Variants in ZHX2 observed in about 807,000 individuals in gnomAD.
The protein encoded by ZHX2 is zinc fingers and homeoboxes protein 2.
ZHX2 carries 6 observed loss-of-function variants against 21.9 expected under a neutral mutation model. The observed-to-expected ratio is 0.27, with a 90% CI of 0.15 to 0.54. The LOEUF (loss-of-function observed/expected upper bound fraction) is 0.54. ZHX2 is among the 20% of genes least tolerant of loss of function. The probability of loss-of-function intolerance (pLI) is 0.95; values close to 1 mark genes in which losing one functional copy is unlikely to be tolerated. For missense variants in ZHX2, 908 were observed against 1,090.7 expected (o/e 0.83, Z 2.36); for synonymous variants, 434 against 437.1 (o/e 0.99, Z 0.09).
intron 1 of ZHX2, among the ~76,000 whole-genome samples, chr8:122,787,014 A>G (rs1354839333): frequency 7.7e-6 from 1 of 129,112 alleles, no homozygotes. Flanking sequence ...TTGTGATTTT[A>G]AGAACATCCA....
intron 3 of ZHX2, among the ~76,000 whole-genome samples, chr8:122,969,794 G>A (rs1239792263): frequency 6.6e-6 from 1 of 152,118 alleles, no homozygotes; most frequent in East Asian, 1.9e-4. Context: ...CTCCTGGAGT[G>A]CAGTGTTACT....
In ZHX2 at chr8:122,953,513, T is replaced by G; in HGVS notation, c.2003T>G (p.Val668Gly). 4 of 1,614,210 alleles carry G rather than the reference T, an allele frequency of 2.5e-6. No homozygotes were observed. In the South Asian group the frequency reaches 4.4e-5, roughly 18 times the overall value. Residue 668 changes from valine (V) to glycine (G), a missense_variant, in exon 3 of 4, where the codon GTC (valine) becomes GGC (glycine). Physicochemically the swap from Val to Gly is moderately radical, Grantham distance 109. This residue lies in a region of ZHX2 where 431 missense variants were observed against 428.6 expected (regional missense o/e 1.01). Coordinates refer to ENST00000314393, the MANE Select transcript of ZHX2 (RefSeq NM_014943.5). The surrounding 1 kb of genome is among the most constrained non-coding windows in gnomAD (Gnocchi z 4.6). ...CAGTTAGCGGCCAAGACTGGCCTGGTCCGAACTGAGATTGTGCGTTGGTTC... is the reference window on the plus strand; with the variant it reads ...CAGTTAGCGGCCAAGACTGGCCTGGGCCGAACTGAGATTGTGCGTTGGTTC... ...YDQLAAKTGL[V>G]RTEIVRWFKE...
At position 122,828,703 on chromosome 8, in the gene ZHX2, ATCGCAGGTGTGTTCCCACGCT is replaced by A. The variant is rs1321190986; in HGVS notation, c.-282-34766_-282-34746del. Among the ~76,000 whole-genome samples the A allele has an allele frequency of 6.6e-6, 1 of 152,180 alleles. No individual in the cohort carries two copies. The highest frequency in any genetic ancestry group is 1.5e-5 in the Non-Finnish European group (1 of 68,030). ...TCTGAGGGAATGAGTGGTTCATTTA[ATCGCAGGTGTGTTCCCACGCT>A]TCGCAGGGCTGATGGATCGTGCCTG... On this transcript the variant is annotated intron_variant, in intron 1 of 3. Transcript: ENST00000314393. The surrounding 1 kb of genome is among the most constrained non-coding windows in gnomAD (Gnocchi z 5.2).
Position 122,953,496 on chromosome 8 carries a change from G to T in ZHX2, c.1986G>T (p.Ala662=), listed in dbSNP as rs751785817. The T allele has an allele frequency of 6.2e-7, 1 of 1,614,204 alleles. No homozygotes were observed. The highest frequency in any genetic ancestry group is 1.1e-5 in the South Asian group (1 of 91,084). The part of the protein sequence containing the change: ...WPTPQEYDQL[A]AKTGLVRTEI... ...CTCCCCAGGAGTACGACCAGTTAGC[G>T]GCCAAGACTGGCCTGGTCCGAACTG... The change falls in exon 3 of 4, where the codon GCG becomes GCT. Residue 662 remains alanine, a synonymous_variant. Coordinates refer to ENST00000314393, the MANE Select transcript of ZHX2 (RefSeq NM_014943.5). This position sits in a 1 kb window ranked among gnomAD's most constrained non-coding sequence, Gnocchi z 4.6.
At position 122,953,197 on chromosome 8, in the gene ZHX2, A is replaced by T; in HGVS notation, c.1687A>T (p.Arg563Trp). The change falls in exon 3 of 4, where the codon AGG becomes TGG. Residue 563 changes from arginine (R) to tryptophan (W), a missense_variant. Arg to Trp is a moderately radical substitution (Grantham distance 101). Transcript: ENST00000314393. This position sits in a 1 kb window ranked among gnomAD's most constrained non-coding sequence, Gnocchi z 4.6. ...TACCCAAGCAGAACTGGATCGGCTA[A>T]GGGTGGAGACCAAGCTGAGCAGGAG... is the stretch of plus-strand genomic sequence containing the variant. ...FPTQAELDRLRVETKLSRREI... is the reference protein window; with the variant it reads ...FPTQAELDRLWVETKLSRREI... 1.2e-6 allele frequency: 2 copies of T among 1,613,882 alleles called. No homozygotes were observed.
chr8:122,801,076 A>T (rs1245935078), intron 1 of ZHX2, among the ~76,000 whole-genome samples: 3 of 152,200 alleles, frequency 2.0e-5, no homozygotes, highest in Non-Finnish European at 4.4e-5. Context: ...AGTTGCAGAT[A>T]CTCAACTCTG....
intron 1 of ZHX2, among the ~76,000 whole-genome samples, chr8:122,847,615 AC>A (rs1182852098): frequency 6.6e-6 from 1 of 152,220 alleles, no homozygotes; most frequent in East Asian, 1.9e-4. Context: ...CTTCTAAAAA[AC>A]AACAAAGGTG....
intron 1 of ZHX2, among the ~76,000 whole-genome samples, chr8:122,808,467 A>G (rs1177031772): frequency 6.6e-6 from 1 of 152,120 alleles, no homozygotes; most frequent in Non-Finnish European, 1.5e-5. Context: ...AAACCATCAG[A>G]TCTCATGAGA....
At chr8:122,873,350 C>A (rs986939700) in intron 2 of ZHX2, among the ~76,000 whole-genome samples, 7 of 152,148 alleles carry the variant, frequency 4.6e-5, no homozygotes, top group African/African-American at 1.7e-4. Flanking sequence ...CCCTCTGTAG[C>A]ATGCTAACCC....
chr8:122,802,184 C>T (rs1817733418), intron 1 of ZHX2, among the ~76,000 whole-genome samples: 1 of 152,184 alleles, frequency 6.6e-6, no homozygotes. Context: ...CTGCCTCAGC[C>T]TCCCGAGTAG....
chr8:122,824,651 C>T (rs1348695907), intron 1 of ZHX2, among the ~76,000 whole-genome samples: 1 of 152,204 alleles, frequency 6.6e-6, no homozygotes, highest in East Asian at 1.9e-4. Flanking sequence ...CAATATAGGG[C>T]CGGTCCCCTG....
At chr8:122,867,591 G>A (rs1043613309) in intron 2 of ZHX2, among the ~76,000 whole-genome samples, 1 of 152,190 alleles carries the variant, frequency 6.6e-6, no homozygotes, top group East Asian at 1.9e-4. Context: ...CTTTGTACTA[G>A]CTGGGAATAA....
intron 2 of ZHX2, among the ~76,000 whole-genome samples, chr8:122,937,882 G>A (rs965468154): frequency 7.1e-5 from 10 of 140,938 alleles, no homozygotes; most frequent in South Asian, 2.3e-4. Flanking sequence ...GCGCCCAGCC[G>A]GATCATCTAT....
In ZHX2 at chr8:122,841,396, T is replaced by C. The variant is rs567277497; in HGVS notation, c.-282-22081T>C. On this transcript the variant is annotated intron_variant, in intron 1 of 3. Transcript: ENST00000314393. ...AAAGGCCTTCTCTAAGGCCTAGAGA[T>C]CTCCCTATCCACCACTTCCTGAGCA... 3.3e-5 allele frequency among the ~76,000 whole-genome samples: 5 copies of C among 152,210 alleles called. No individual in the cohort carries two copies. The South Asian group carries it at 1.0e-3, about 32-fold the overall frequency.
chr8:122,957,481 G>GTTTTGTTTTC (rs1218466598), intron 3 of ZHX2, among the ~76,000 whole-genome samples: 2 of 151,806 alleles, frequency 1.3e-5, no homozygotes, highest in African/African-American at 4.8e-5. Flanking sequence ...GTTTTGTTTT[G>GTTTTGTTTTC]TTTTGAGATG....
Position 122,865,742 on chromosome 8 carries a change from T to C in ZHX2, c.-220+2203T>C, listed in dbSNP as rs79446278. ...GATATAGTAAGTGCTCAATAAATAT[T>C]AATCCTTATTCTTATTCTGGATGTG... On this transcript the variant is annotated intron_variant, in intron 2 of 3. Coordinates refer to ENST00000314393, the MANE Select transcript of ZHX2 (RefSeq NM_014943.5). Among the ~76,000 whole-genome samples, 972 of 152,344 alleles carry C rather than the reference T, an allele frequency of 6.4e-3. 10 individuals are homozygous for C. Among genetic ancestry groups the C allele is most frequent in the African/African-American group, 0.022 (916 of 41,570 alleles).
intron 2 of ZHX2, among the ~76,000 whole-genome samples, chr8:122,911,513 G>A (rs1446298409): frequency 6.6e-6 from 1 of 152,186 alleles, no homozygotes; most frequent in Admixed American, 6.5e-5. Flanking sequence ...TGGTTTCATG[G>A]GAAGGGAAGA....
intron 1 of ZHX2, among the ~76,000 whole-genome samples, chr8:122,816,098 A>AG (rs1818029093): frequency 6.6e-6 from 1 of 150,916 alleles, no homozygotes; most frequent in Non-Finnish European, 1.5e-5. Context: ...AAAAAAAAAA[A>AG]GGGAGATTGC....
chr8:122,914,173 A>G (rs947704367), intron 2 of ZHX2, among the ~76,000 whole-genome samples: 2 of 152,212 alleles, frequency 1.3e-5, no homozygotes, highest in Non-Finnish European at 1.5e-5. Context: ...AAGTCTGTAG[A>G]AGGAAGCAGG....
Sources: allele counts gnomAD v4.1 joint callset (sites outside exome capture counted in the v4.1 genomes callset), GRCh38; gene constraint gnomAD v4.1.1; regional missense constraint gnomAD v4.1.1; non-coding constraint Gnocchi (gnomAD v3.1); transcripts MANE v1.5; gene names NCBI Gene and HGNC (gene_info 2026-07-23, HGNC 2026-07-21).